Variants in ADAM22 observed in about 807,000 individuals in gnomAD.
ADAM22 encodes the protein disintegrin and metalloproteinase domain-containing protein 22.
A neutral mutation model predicts 144.6 loss-of-function variants in ADAM22; 65 were observed. That is an observed-to-expected ratio of 0.45 (90% CI 0.37 to 0.55). The LOEUF (loss-of-function observed/expected upper bound fraction) is 0.55. Among genes scored for constraint, ADAM22 ranks in the 20% least tolerant of loss-of-function variants. The pLI, the probability that ADAM22 is intolerant of heterozygous loss-of-function variation, is 0.00. For missense variants in ADAM22, 974 were observed against 1,184.9 expected, an observed-to-expected ratio of 0.82 and a Z score of 2.61; for synonymous variants, 391 against 412.6, an observed-to-expected ratio of 0.95 and a Z score of 0.63.
chr7:88,051,516 A>C (rs1289649758), intron 3 of ADAM22, among the ~76,000 whole-genome samples: 1 of 151,188 alleles, frequency 6.6e-6, no homozygotes, highest in Non-Finnish European at 1.5e-5. Context: ...ACATATGGAC[A>C]CAGGGTGGGG....
intron 4 of ADAM22, among the ~76,000 whole-genome samples, chr7:88,083,587 T>TTG (rs35145003): frequency 0.032 from 4,075 of 126,690 alleles, 94 homozygotes; most frequent in South Asian, 0.041. Flanking sequence ...TACTTTGTGT[T>TTG]TGTGTGTGTG....
chr7:88,050,773 G>A (rs1483757457), intron 3 of ADAM22, among the ~76,000 whole-genome samples: 1 of 152,100 alleles, frequency 6.6e-6, no homozygotes, highest in Non-Finnish European at 1.5e-5. Context: ...TTTATCAGAT[G>A]GGTAGATTGC....
At chr7:87,971,120 G>A (rs1198210867) in intron 2 of ADAM22, among the ~76,000 whole-genome samples, 1 of 152,084 alleles carries the variant, frequency 6.6e-6, no homozygotes, top group Non-Finnish European at 1.5e-5. Flanking sequence ...TATCAAATTG[G>A]CCTTAGGACA....
Position 88,067,033 on chromosome 7 carries a change from C to CA in ADAM22, c.324-8589dup, listed in dbSNP as rs1432045909. 3.3e-5 allele frequency among the ~76,000 whole-genome samples: 5 copies of CA among 152,106 alleles called. No individual in the cohort carries two copies. In the East Asian group the frequency reaches 9.7e-4, roughly 29 times the overall value. The stretch of plus-strand genomic sequence containing the variant: ...GCCCAATAATTCAACATTAAGTGCC[C>CA]AAAATCTCCATTTCTAGGGTACTCA... On this transcript the variant is annotated intron_variant, in intron 3 of 31. Coordinates refer to ENST00000413139, the MANE Select transcript of ADAM22 (RefSeq NM_001324418.2).
chr7:88,065,839 G>A (rs1033984694), intron 3 of ADAM22, among the ~76,000 whole-genome samples: 1 of 152,034 alleles, frequency 6.6e-6, no homozygotes, highest in Non-Finnish European at 1.5e-5. Flanking sequence ...CAGAATTGCA[G>A]GTTCAAAAGG....
At chr7:87,991,467 C>T (rs1002225598) in intron 3 of ADAM22, among the ~76,000 whole-genome samples, 4 of 151,308 alleles carry the variant, frequency 2.6e-5, no homozygotes, top group East Asian at 2.0e-4. Context: ...CCCGGGTTCA[C>T]GCCATTCTCC....
At chr7:87,980,287 C>CTT (rs71120015) in intron 3 of ADAM22, among the ~76,000 whole-genome samples, 10 of 118,424 alleles carry the variant, frequency 8.4e-5, no homozygotes, top group South Asian at 2.4e-4. Context: ...GCACTGTGCT[C>CTT]TTTTTTTTTT....
At chr7:87,990,255 G>A (rs1789480638) in intron 3 of ADAM22, among the ~76,000 whole-genome samples, 1 of 152,120 alleles carries the variant, frequency 6.6e-6, no homozygotes. Context: ...AGTGGCACTG[G>A]GAGTGCAATG....
In ADAM22 at chr7:88,081,567, G is replaced by A. The variant is rs530759193; in HGVS notation, c.390+5875G>A. On this transcript the variant is annotated intron_variant, in intron 4 of 31. Coordinates refer to ENST00000413139, the MANE Select transcript of ADAM22 (RefSeq NM_001324418.2). ...AGTCAAATTGTCCCTGTTTGCAGATGACATGATTGTATATCTAGAAAACCC... is the reference window on the plus strand; with the variant it reads ...AGTCAAATTGTCCCTGTTTGCAGATAACATGATTGTATATCTAGAAAACCC... 6.6e-5 allele frequency among the ~76,000 whole-genome samples: 10 copies of A among 151,358 alleles called. No individual in the cohort carries two copies. In the East Asian group the frequency reaches 1.9e-3, roughly 29 times the overall value.
At chr7:88,143,163 A>G (rs752072965) in intron 15 of ADAM22, 38 bp downstream of exon 15, 3 of 1,345,696 alleles carry the variant, frequency 2.2e-6, no homozygotes, top group Admixed American at 1.9e-5. Context: ...AATATTAATT[A>G]TCAACCTTTC....
intron 2 of ADAM22, among the ~76,000 whole-genome samples, chr7:87,953,858 A>T (rs1321848058): frequency 6.6e-6 from 1 of 152,138 alleles, no homozygotes. Context: ...TAGGATAGTT[A>T]GCTCTTCTTG....
At chr7:88,022,996 C>CTA (rs1382187868) in intron 3 of ADAM22, among the ~76,000 whole-genome samples, 1 of 152,296 alleles carries the variant, frequency 6.6e-6, no homozygotes, top group Admixed American at 6.5e-5. Context: ...TACATCGATT[C>CTA]ATTACTTTTA....
chr7:88,143,298 T>C (rs565243839), intron 15 of ADAM22, among the ~76,000 whole-genome samples, 173 bp downstream of exon 15: 32 of 152,366 alleles, frequency 2.1e-4, no homozygotes, highest in African/African-American at 7.5e-4. Context: ...ATGTTGGGCA[T>C]TTTGGGCTAT....
intron 2 of ADAM22, among the ~76,000 whole-genome samples, chr7:87,956,061 C>T (rs534328119): frequency 3.2e-4 from 48 of 150,678 alleles, no homozygotes; most frequent in Admixed American, 3.3e-4. Context: ...AAGGGAACTC[C>T]CTGACCCCTT....
intron 3 of ADAM22, among the ~76,000 whole-genome samples, chr7:88,053,487 A>T (rs910814875): frequency 2.0e-5 from 3 of 151,004 alleles, no homozygotes; most frequent in African/African-American, 7.3e-5. Context: ...ATAATAATAA[A>T]AAGACTTAAA....
At chr7:88,119,692 T>C (rs1383760174) in intron 7 of ADAM22, among the ~76,000 whole-genome samples, 1 of 152,210 alleles carries the variant, frequency 6.6e-6, no homozygotes, top group Non-Finnish European at 1.5e-5. Context: ...TTTCACCATG[T>C]TGGTCAGGCT....
chr7:88,101,781 G>A (rs1433152165), intron 4 of ADAM22, among the ~76,000 whole-genome samples: 1 of 152,184 alleles, frequency 6.6e-6, no homozygotes, highest in Non-Finnish European at 1.5e-5. Context: ...GCAGTGAGGA[G>A]CTTCAGAATC....
chr7:88,085,432 A>C (rs953651624), intron 4 of ADAM22, among the ~76,000 whole-genome samples: 1 of 152,196 alleles, frequency 6.6e-6, no homozygotes, highest in African/African-American at 2.4e-5. Context: ...CATTTTTAAA[A>C]AAGAGCTGGA....
At chr7:88,124,565 G>C (rs560369838) in intron 7 of ADAM22, among the ~76,000 whole-genome samples, 50 of 150,774 alleles carry the variant, frequency 3.3e-4, no homozygotes, top group African/African-American at 1.2e-3. Context: ...TTGCCTTTTA[G>C]GCACAACATT....
Sources: gnomAD v4.1 joint callset for allele counts (sites outside exome capture counted in the v4.1 genomes callset) on GRCh38, gnomAD v4.1.1 for gene constraint, MANE v1.5 for transcripts, NCBI Gene and HGNC (gene_info 2026-07-23, HGNC 2026-07-21) for gene names.